Variants in DYNLT2 observed in about 807,000 individuals in gnomAD.
DYNLT2 encodes dynein light chain Tctex-type protein 2.
DYNLT2 carries 24 observed loss-of-function variants against 24.3 expected under a neutral mutation model. The observed-to-expected ratio is 0.99, with a 90% CI of 0.71 to 1.39. The LOEUF (loss-of-function observed/expected upper bound fraction) is 1.39. Ranked by LOEUF, DYNLT2 falls within the 40% of genes most tolerant of loss-of-function variation. The pLI, the probability that DYNLT2 is intolerant of heterozygous loss-of-function variation, is 0.00. For missense variants in DYNLT2, 246 were observed against 234.5 expected, an observed-to-expected ratio of 1.05 and a Z score of -0.32; for synonymous variants, 85 against 85.4, an observed-to-expected ratio of 1.00 and a Z score of 0.03.
chr6:169,736,278 G>A (rs1265965445), downstream of DYNLT2, among the ~76,000 whole-genome samples: 1 of 152,004 alleles, frequency 6.6e-6, no homozygotes, highest in Non-Finnish European at 1.5e-5. Context: ...CAATTTGCCT[G>A]TCTGTGTCTT....
Position 169,751,380 on chromosome 6 carries a change from G to A in DYNLT2, c.79C>T (p.Pro27Ser), listed in dbSNP as rs1264290279. ...NQTPQQAPVT[P>S]RKERRPSMFE... ...ATGCTAGGCCTCCTTTCTTTCCTAG[G>A]CGTCACCGGAGCCTGCTGAGGGGTC... is the stretch of plus-strand genomic sequence containing the variant. The change falls in exon 1 of 4, where the codon CCT (proline) becomes TCT (serine). Residue 27 changes from proline (P) to serine (S), a missense_variant. Transcript: ENST00000366774. 2 of 1,614,110 alleles carry A rather than the reference G, an allele frequency of 1.2e-6. No individual in the cohort carries two copies. Among genetic ancestry groups the A allele is most frequent in the South Asian group, 1.1e-5 (1 of 91,080 alleles).
chr6:169,737,230 G>T (rs925924919), downstream of DYNLT2, among the ~76,000 whole-genome samples: 1 of 152,128 alleles, frequency 6.6e-6, no homozygotes, highest in African/African-American at 2.4e-5. Flanking sequence ...TTTTATGAAG[G>T]TTCTTAGCTT....
At chr6:169,745,071 A>G (rs1306638845) in intron 1 of DYNLT2, among the ~76,000 whole-genome samples, 1 of 151,846 alleles carries the variant, frequency 6.6e-6, no homozygotes, top group Non-Finnish European at 1.5e-5. Flanking sequence ...CCCATCGAGT[A>G]TGATGTTTGC....
chr6:169,749,073 C>T (rs1474916906), intron 1 of DYNLT2, among the ~76,000 whole-genome samples: 1 of 152,094 alleles, frequency 6.6e-6, no homozygotes, highest in African/African-American at 2.4e-5. Context: ...ACTTTTATTT[C>T]TAAATGCCAC....
the DYNLT2 span, among the ~76,000 whole-genome samples, chr6:169,727,391 T>C: frequency 4.6e-5 from 7 of 151,998 alleles, no homozygotes; most frequent in African/African-American, 1.2e-4. Flanking sequence ...AAAACCATGA[T>C]TGAGCAGAGA....
At chr6:169,736,134 T>C (rs947852441), downstream of DYNLT2, among the ~76,000 whole-genome samples, 2 of 127,262 alleles carry the variant, frequency 1.6e-5, no homozygotes, top group African/African-American at 6.3e-5. Context: ...TGTTTCGTTT[T>C]TTTGTTTGTT....
intron 1 of DYNLT2, among the ~76,000 whole-genome samples, chr6:169,745,872 G>A (rs904119332): frequency 2.0e-5 from 3 of 152,186 alleles, no homozygotes; most frequent in African/African-American, 7.2e-5. Flanking sequence ...TAAATGCTTG[G>A]TAGAATTCAC....
chr6:169,747,174 G>T (rs1229413378), intron 1 of DYNLT2, among the ~76,000 whole-genome samples: 1 of 151,930 alleles, frequency 6.6e-6, no homozygotes, highest in East Asian at 2.0e-4. Context: ...TTTCTGAGAA[G>T]TATGCTGTCA....
rs562735179 is a variant in DYNLT2 at position 169,748,980 on chromosome 6, C to T, written c.120+2359G>A. On this transcript the variant is annotated intron_variant, in intron 1 of 3. Transcript: ENST00000366774. ...ATCAACTTTTTGGCATCTAATAATA[C>T]CTGAGTTTCTACTGATATAGCATTT... Among the ~76,000 whole-genome samples, 160 of 152,166 alleles carry T rather than the reference C, an allele frequency of 1.1e-3. 1 individual carries two copies. Among genetic ancestry groups the T allele is most frequent in the Non-Finnish European group, 1.4e-3 (98 of 68,002 alleles).
At chr6:169,738,843 A>G (rs777746939), downstream of DYNLT2, 1 of 152,242 alleles carries the variant, frequency 6.6e-6, no homozygotes, top group African/African-American at 2.4e-5. Context: ...AGGGAGCTGG[A>G]GTGATTTTCT....
chr6:169,725,297 TTTCCA>T, the DYNLT2 span: 1 of 398,682 alleles, frequency 2.5e-6, no homozygotes, highest in Non-Finnish European at 4.4e-6. Context: ...TCCGGTTTCC[TTTCCA>T]TTCATTATAG....
At chr6:169,736,274 G>A (rs954377682), downstream of DYNLT2, among the ~76,000 whole-genome samples, 1 of 151,790 alleles carries the variant, frequency 6.6e-6, no homozygotes, top group African/African-American at 2.4e-5. Context: ...TATCCAATTT[G>A]CCTGTCTGTG....
intron 1 of DYNLT2, among the ~76,000 whole-genome samples, chr6:169,749,289 C>T (rs11960970): frequency 0.18 from 27,430 of 151,998 alleles, 3,054 homozygotes; most frequent in African/African-American, 0.3. Flanking sequence ...TTAGTAGAGA[C>T]GGGGTTTTGG....
the DYNLT2 span, among the ~76,000 whole-genome samples, chr6:169,729,749 A>G: frequency 2.6e-5 from 4 of 152,178 alleles, no homozygotes; most frequent in African/African-American, 9.7e-5. Flanking sequence ...TTTCAAAAAG[A>G]AGAAGAGATA....
chr6:169,748,919 T>C (rs1392848337), intron 1 of DYNLT2, among the ~76,000 whole-genome samples: 1 of 152,226 alleles, frequency 6.6e-6, no homozygotes, highest in Non-Finnish European at 1.5e-5. Context: ...AGAATCTTTA[T>C]AATCTTTTTT....
At chr6:169,734,115 A>AT in the DYNLT2 span, among the ~76,000 whole-genome samples, 2 of 152,062 alleles carry the variant, frequency 1.3e-5, no homozygotes, top group African/African-American at 4.8e-5. Flanking sequence ...AAAGCTTGTG[A>AT]TTTTTGCACA....
Position 169,743,232 on chromosome 6 carries a change from G to A in DYNLT2, c.334C>T (p.Leu112Phe). 1 of 1,462,740 alleles carries A rather than the reference G, an allele frequency of 6.8e-7. No individual in the cohort carries two copies. The highest frequency in any genetic ancestry group is 9.1e-7 in the Non-Finnish European group (1 of 1,096,114). The allele number at this position is 1,462,740 out of a possible 1,614,324, so 90.6% of individuals were successfully genotyped here. ...TTATCATCATATTTGACATCTTTAAGACTTTCCTTTAAGAAAATTTAAGAA... is the reference window on the plus strand; with the variant it reads ...TTATCATCATATTTGACATCTTTAAAACTTTCCTTTAAGAAAATTTAAGAA... Reference protein sequence around the residue: ...TKVQQILTESLKDVKYDDKVF... With the variant: ...TKVQQILTESFKDVKYDDKVF... The change falls in exon 3 of 4, where the codon CTT (leucine) becomes TTT (phenylalanine). Residue 112 changes from leucine to phenylalanine, a missense_variant. By Grantham distance (22) the Leu-to-Phe change is conservative (BLOSUM62 0). Transcript: ENST00000366774.
chr6:169,744,414 C>A, intron 1 of DYNLT2, 140 bp from the exon 2 acceptor site: 1 of 719,234 alleles, frequency 1.4e-6, no homozygotes, highest in South Asian at 2.0e-5. Flanking sequence ...CAGATTTCTA[C>A]AATAATGTGG....
chr6:169,725,623 G>T, the DYNLT2 span: 2 of 283,064 alleles, frequency 7.1e-6, no homozygotes, highest in Non-Finnish European at 1.3e-5. Context: ...GATCAGGGTA[G>T]AGTTTAGCGG....
Sources: allele counts gnomAD v4.1 joint callset (sites outside exome capture counted in the v4.1 genomes callset), GRCh38; gene constraint gnomAD v4.1.1; transcripts MANE v1.5; gene names NCBI Gene and HGNC (gene_info 2026-07-23, HGNC 2026-07-21).